The following TSNARE1 variants were observed in gnomAD, a reference collection of about 807,000 sequenced individuals.
The protein encoded by TSNARE1 is t-SNARE domain containing 1.
TSNARE1 carries 49 observed loss-of-function variants against 62.0 expected under a neutral mutation model. The ratio of observed to expected loss-of-function variants is 0.79; its 90% confidence interval spans 0.63 to 1.00. The LOEUF (loss-of-function observed/expected upper bound fraction) is 1.00, where lower values mean the gene tolerates loss of function less well. Ranked by LOEUF, TSNARE1 falls within the 50% of genes least tolerant of loss-of-function variation. The probability of loss-of-function intolerance (pLI) is 0.00; values close to 1 mark genes in which losing one functional copy is unlikely to be tolerated. For synonymous variants in TSNARE1, 328 were observed against 294.4 expected (o/e 1.11, Z -1.17); for missense variants, 755 against 700.1 (o/e 1.08, Z -0.88).
At chr8:142,352,627 G>A (rs1006990654) in intron 2 of TSNARE1, among the ~76,000 whole-genome samples, 6 of 152,246 alleles carry the variant, frequency 3.9e-5, no homozygotes, top group Admixed American at 3.9e-4. Context: ...ACAGCCACGC[G>A]CAACGTGGAG....
intron 4 of TSNARE1, among the ~76,000 whole-genome samples, chr8:142,332,192 C>T (rs765394225): frequency 6.6e-5 from 10 of 152,238 alleles, no homozygotes; most frequent in Non-Finnish European, 1.2e-4. Context: ...CACAGCCCCG[C>T]TGATGAAGCA....
At chr8:142,375,906 AAGGAGAG>A (rs1439870820) in intron 1 of TSNARE1, among the ~76,000 whole-genome samples, 1 of 152,128 alleles carries the variant, frequency 6.6e-6, no homozygotes, top group Admixed American at 6.5e-5. Flanking sequence ...TGCAGGGTGT[AAGGAGAG>A]AGGAAGAGGG....
chr8:142,253,833 C>A (rs549620713), intron 12 of TSNARE1, among the ~76,000 whole-genome samples: 8 of 152,294 alleles, frequency 5.3e-5, no homozygotes, highest in African/African-American at 1.7e-4. Context: ...TTGTGTGTCG[C>A]CACCCTCATG....
intron 12 of TSNARE1, among the ~76,000 whole-genome samples, chr8:142,237,997 C>T (rs1817516352): frequency 6.6e-6 from 1 of 152,134 alleles, no homozygotes; most frequent in South Asian, 2.1e-4. Context: ...GCCACCCGCC[C>T]AGGTCTCCAT....
intron 12 of TSNARE1, among the ~76,000 whole-genome samples, chr8:142,264,046 G>A (rs73366616): frequency 0.041 from 6,154 of 151,930 alleles, 196 homozygotes; most frequent in African/African-American, 0.082. Flanking sequence ...GCTTTCTTTG[G>A]TAGTATAAGC....
At chr8:142,380,963 G>A (rs1836698811) in intron 1 of TSNARE1, among the ~76,000 whole-genome samples, 1 of 152,088 alleles carries the variant, frequency 6.6e-6, no homozygotes, top group South Asian at 2.1e-4. Context: ...ACATGCACCT[G>A]CACACACACC....
intron 11 of TSNARE1, chr8:142,278,838 G>A: frequency 1.0e-6 from 1 of 958,922 alleles, no homozygotes; most frequent in African/African-American, 1.8e-5. Flanking sequence ...GGAGGGGGAG[G>A]CCACTGCAGG....
chr8:142,281,041 C>T (rs760733959), intron 11 of TSNARE1, among the ~76,000 whole-genome samples: 5 of 152,174 alleles, frequency 3.3e-5, no homozygotes, highest in South Asian at 2.1e-4. Context: ...GGGAAGAGGA[C>T]GCCAGCTGCC....
chr8:142,339,545 G>C (rs1832243782), intron 4 of TSNARE1, among the ~76,000 whole-genome samples: 1 of 152,196 alleles, frequency 6.6e-6, no homozygotes, highest in Admixed American at 6.5e-5. Flanking sequence ...TAAGAAACCA[G>C]ACTCAAGCAC....
intron 4 of TSNARE1, among the ~76,000 whole-genome samples, chr8:142,337,341 C>T (rs965619623): frequency 7.2e-5 from 11 of 152,206 alleles, no homozygotes; most frequent in Non-Finnish European, 1.6e-4. Context: ...ATAATCCCCC[C>T]ACAACAAAAT....
intron 12 of TSNARE1, among the ~76,000 whole-genome samples, chr8:142,232,440 C>G (rs543067764): frequency 6.6e-6 from 1 of 152,374 alleles, no homozygotes; most frequent in Non-Finnish European, 1.5e-5. Flanking sequence ...CGCTACGTCT[C>G]TACCCTCCAT....
chr8:142,219,152 G>A (rs773292668), intron 13 of TSNARE1, among the ~76,000 whole-genome samples: 2 of 152,146 alleles, frequency 1.3e-5, no homozygotes, highest in Non-Finnish European at 2.9e-5. Flanking sequence ...GCTTCCCTGG[G>A]GTGGGGCCAG....
Position 142,401,199 on chromosome 8 carries a change from G to A in TSNARE1, c.-40+1905C>T, listed in dbSNP as rs574000376. Among the ~76,000 whole-genome samples the A allele has an allele frequency of 2.6e-5, 4 of 152,140 alleles. No homozygotes were observed. In the South Asian group the frequency reaches 6.2e-4, roughly 24 times the overall value. On this transcript the variant is annotated intron_variant, in intron 1 of 13. Coordinates refer to ENST00000524325, the MANE Select transcript of TSNARE1 (RefSeq NM_145003.5). ...CACCACATTCTCCTCAAAGTCTTAC[G>A]TGTCCAGTGTATTTATTCATCAAAA...
chr8:142,276,311 C>A, intron 11 of TSNARE1: 1 of 985,470 alleles, frequency 1.0e-6, no homozygotes, highest in Non-Finnish European at 1.2e-6. Context: ...AGGGTCACGA[C>A]CCTCTGAGCC....
At chr8:142,348,605 C>T (rs1336186247) in intron 2 of TSNARE1, among the ~76,000 whole-genome samples, 2 of 127,064 alleles carry the variant, frequency 1.6e-5, no homozygotes, top group Non-Finnish European at 3.3e-5. Flanking sequence ...CCGCCCCAGG[C>T]TGCCCCAAAG....
At chr8:142,345,965 C>T (rs1241763100) in intron 2 of TSNARE1, 73 bp from the exon 3 acceptor site, 5 of 1,535,108 alleles carry the variant, frequency 3.3e-6, no homozygotes, top group Admixed American at 1.9e-5. Context: ...CCCCCATGCA[C>T]GGACAGCAGA....
chr8:142,238,667 C>T (rs1817549424), intron 12 of TSNARE1, among the ~76,000 whole-genome samples: 1 of 151,976 alleles, frequency 6.6e-6, no homozygotes, highest in African/African-American at 2.4e-5. Context: ...CTCACCTCCC[C>T]AGCCCCTCCC....
intron 13 of TSNARE1, among the ~76,000 whole-genome samples, chr8:142,217,303 A>AAAGAAAG (rs1815895397): frequency 3.2e-5 from 4 of 126,646 alleles, no homozygotes; most frequent in African/African-American, 9.8e-5. Flanking sequence ...GAAAGAAAGA[A>AAAGAAAG]AAAGAAAGAA....
At chr8:142,298,453 C>T (rs1359004813) in intron 10 of TSNARE1, among the ~76,000 whole-genome samples, 1 of 152,104 alleles carries the variant, frequency 6.6e-6, no homozygotes, top group Non-Finnish European at 1.5e-5. Flanking sequence ...GAGCAGGACT[C>T]CCAGGCCAGG....
Sources: gnomAD v4.1 joint callset for allele counts (sites outside exome capture counted in the v4.1 genomes callset) on GRCh38, gnomAD v4.1.1 for gene constraint, MANE v1.5 for transcripts, NCBI Gene and HGNC (gene_info 2026-07-23, HGNC 2026-07-21) for gene names.